The following PPARGC1A variants were observed in gnomAD, a reference collection of about 807,000 sequenced individuals.
PPARGC1A encodes the protein peroxisome proliferator-activated receptor gamma coactivator 1-alpha.
In PPARGC1A, 25 loss-of-function variants were observed where a neutral mutation model predicts 88.7. The observed-to-expected ratio is 0.28, with a 90% confidence interval of 0.21 to 0.39. PPARGC1A has a LOEUF of 0.39. PPARGC1A is among the 10% of genes least tolerant of loss of function. The pLI is 1.00. For synonymous variants in PPARGC1A, 363 were observed against 355.6 expected (o/e 1.02, Z -0.24); for missense variants, 880 against 968.7 (o/e 0.91, Z 1.22).
chr4:24,250,230 G>A, the PPARGC1A span, among the ~76,000 whole-genome samples: 1 of 152,210 alleles, frequency 6.6e-6, no homozygotes, highest in Non-Finnish European at 1.5e-5. Context: ...TTCCTTGCCC[G>A]GTGTGGCTGG....
chr4:23,961,824 T>C, the PPARGC1A span, among the ~76,000 whole-genome samples: 1 of 152,178 alleles, frequency 6.6e-6, no homozygotes, highest in African/African-American at 2.4e-5. Context: ...TCATCACAGA[T>C]AATTCTGAAA....
the PPARGC1A span, among the ~76,000 whole-genome samples, chr4:24,114,457 G>A: frequency 6.6e-6 from 1 of 152,158 alleles, no homozygotes; most frequent in Non-Finnish European, 1.5e-5. Flanking sequence ...AACTGCTATA[G>A]CCCAAAGTCT....
chr4:24,451,708 G>A, the PPARGC1A span, among the ~76,000 whole-genome samples: 1 of 152,156 alleles, frequency 6.6e-6, no homozygotes, highest in Non-Finnish European at 1.5e-5. Flanking sequence ...CTCCCGAGTA[G>A]CTGGGATTAC....
chr4:23,994,884 A>T, the PPARGC1A span, among the ~76,000 whole-genome samples: 8 of 152,200 alleles, frequency 5.3e-5, no homozygotes, highest in Admixed American at 5.2e-4. Flanking sequence ...AATTCCAGTC[A>T]ATCAACAGAG....
At chr4:24,315,018 A>G in the PPARGC1A span, among the ~76,000 whole-genome samples, 1 of 146,486 alleles carries the variant, frequency 6.8e-6, no homozygotes, top group East Asian at 2.0e-4. Flanking sequence ...AGACATACAG[A>G]CCTTAAAAAA....
At chr4:23,895,873 T>A (rs539421687) in intron 1 of PPARGC1A, among the ~76,000 whole-genome samples, 1 of 151,924 alleles carries the variant, frequency 6.6e-6, no homozygotes, top group Non-Finnish European at 1.5e-5. Context: ...ATTTGCATTA[T>A]TGAAAACTTG....
rs1259788229 is a variant in PPARGC1A, at chr4:23,802,349, TG to T, written c.2020-5del. On this transcript the variant is annotated splice_region_variant and splice_polypyrimidine_tract_variant and intron_variant, in intron 10 of 12. Transcript: ENST00000264867. ...CATAAATCACACGGCGCTCTTCCTA[TG>T]GGGGGAAGGAAGGAGAGAGTTCTGG... 1.9e-6 allele frequency: 3 copies of T among 1,613,570 alleles called. No individual in the cohort carries two copies. The highest frequency in any genetic ancestry group is 2.5e-6 in the Non-Finnish European group (3 of 1,179,876).
the PPARGC1A span, among the ~76,000 whole-genome samples, chr4:24,373,948 A>G: frequency 6.6e-6 from 1 of 152,246 alleles, no homozygotes; most frequent in African/African-American, 2.4e-5. Context: ...AAAAGGACCT[A>G]GCACTGAGCA....
the PPARGC1A span, among the ~76,000 whole-genome samples, chr4:24,002,095 CACAG>C: frequency 2.9e-4 from 34 of 116,914 alleles, no homozygotes; most frequent in South Asian, 1.5e-3. Context: ...CACACACACA[CACAG>C]AGAGAGAGAG....
chr4:24,238,745 ATGTGTGTGTGTG>A, the PPARGC1A span, among the ~76,000 whole-genome samples: 8,960 of 121,778 alleles, frequency 0.074, 313 homozygotes, highest in Non-Finnish European at 0.084. Context: ...AAGGTTGTAT[ATGTGTGTGTGTG>A]TGTGTGTGTG....
chr4:23,859,321 T>C (rs571213198), intron 2 of PPARGC1A, among the ~76,000 whole-genome samples: 1 of 152,302 alleles, frequency 6.6e-6, no homozygotes, highest in Admixed American at 6.5e-5. Context: ...ATGTCAGACA[T>C]GATCTTTGGC....
At chr4:24,141,111 G>A in the PPARGC1A span, among the ~76,000 whole-genome samples, 49,791 of 152,112 alleles carry the variant, frequency 0.33, 9,333 homozygotes, top group African/African-American at 0.5. Context: ...CCCTAGAGCT[G>A]TGAGTTAGGG....
chr4:24,028,870 A>G, the PPARGC1A span, among the ~76,000 whole-genome samples: 1 of 152,174 alleles, frequency 6.6e-6, no homozygotes, highest in East Asian at 1.9e-4. Flanking sequence ...ATAATAATAA[A>G]ACAATAAGAC....
At chr4:24,319,242 T>C in the PPARGC1A span, among the ~76,000 whole-genome samples, 2 of 152,078 alleles carry the variant, frequency 1.3e-5, no homozygotes, top group Non-Finnish European at 2.9e-5. Context: ...ACTCAGAGCC[T>C]GAGGTGGGGG....
the PPARGC1A span, among the ~76,000 whole-genome samples, chr4:24,436,067 C>T: frequency 6.6e-6 from 1 of 152,190 alleles, no homozygotes; most frequent in Non-Finnish European, 1.5e-5. Context: ...ACCACTATTC[C>T]ACTGAGCCAA....
chr4:24,205,288 C>A, the PPARGC1A span, among the ~76,000 whole-genome samples: 1 of 152,168 alleles, frequency 6.6e-6, no homozygotes, highest in Non-Finnish European at 1.5e-5. Context: ...CATACTGAAT[C>A]ATTTCACTCA....
At chr4:24,259,840 A>T in the PPARGC1A span, among the ~76,000 whole-genome samples, 1 of 152,114 alleles carries the variant, frequency 6.6e-6, no homozygotes, top group African/African-American at 2.4e-5. Context: ...ATCATCATAG[A>T]TTTTTTCCAC....
the PPARGC1A span, among the ~76,000 whole-genome samples, chr4:24,044,717 G>A: frequency 6.6e-6 from 1 of 152,170 alleles, no homozygotes; most frequent in Admixed American, 6.5e-5. Context: ...GTGACAGAGA[G>A]TTCCACCAGA....
At chr4:24,053,630 ACAGT>A in the PPARGC1A span, among the ~76,000 whole-genome samples, 1 of 152,228 alleles carries the variant, frequency 6.6e-6, no homozygotes, top group South Asian at 2.1e-4. Context: ...TAAAGGCTTC[ACAGT>A]CAGACATAGG....
Sources: allele counts gnomAD v4.1 joint callset (sites outside exome capture counted in the v4.1 genomes callset), GRCh38; gene constraint gnomAD v4.1.1; transcripts MANE v1.5; gene names NCBI Gene and HGNC (gene_info 2026-07-23, HGNC 2026-07-21).